The following GLIS3 variants were observed in gnomAD, a reference collection of about 807,000 sequenced individuals.
The protein encoded by GLIS3 is GLIS family zinc finger 3.
A neutral mutation model predicts 78.6 loss-of-function variants in GLIS3; 53 were observed. The ratio of observed to expected loss-of-function variants is 0.67; its 90% CI spans 0.54 to 0.85. GLIS3 has a LOEUF of 0.85. Among genes scored for constraint, GLIS3 ranks in the 40% least tolerant of loss-of-function variants. The pLI, the probability that GLIS3 is intolerant of heterozygous loss-of-function variation, is 0.00. For synonymous variants in GLIS3, 684 were observed against 509.9 expected, an observed-to-expected ratio of 1.34 and a Z score of -4.60; for missense variants, 1,703 against 1,231.1, an observed-to-expected ratio of 1.38 and a Z score of -5.74.
intron 4 of GLIS3, among the ~76,000 whole-genome samples, chr9:3,956,303 G>C (rs1817108654): frequency 6.6e-6 from 1 of 152,126 alleles, no homozygotes; most frequent in South Asian, 2.1e-4. Flanking sequence ...GGGAACAAAA[G>C]CCTGCCAAAA....
the GLIS3 span, among the ~76,000 whole-genome samples, chr9:4,360,024 C>CA: frequency 0.01 from 1,390 of 133,908 alleles, 14 homozygotes; most frequent in South Asian, 0.024. Flanking sequence ...TCAGGATTTG[C>CA]AAAAAAAAAA....
chr9:3,915,664 C>G (rs1198802600), intron 6 of GLIS3, among the ~76,000 whole-genome samples: 1 of 152,182 alleles, frequency 6.6e-6, no homozygotes, highest in East Asian at 1.9e-4. Context: ...CTCCAGCCTT[C>G]ATGATGTTGC....
the GLIS3 span, among the ~76,000 whole-genome samples, chr9:4,402,709 T>C: frequency 1.4e-4 from 21 of 152,188 alleles, no homozygotes; most frequent in African/African-American, 5.1e-4. Flanking sequence ...AGTCTCTTAA[T>C]AGTAGAATTG....
chr9:4,193,413 A>T (rs970407244), intron 2 of GLIS3, among the ~76,000 whole-genome samples: 1 of 152,234 alleles, frequency 6.6e-6, no homozygotes, highest in African/African-American at 2.4e-5. Flanking sequence ...ATGGCCTAAG[A>T]AGTCTATAAT....
intron 2 of GLIS3, among the ~76,000 whole-genome samples, chr9:4,200,042 C>A (rs1819225599): frequency 1.3e-5 from 2 of 152,164 alleles, no homozygotes; most frequent in East Asian, 1.9e-4. Flanking sequence ...AATTAACTTA[C>A]TTCAGAATGA....
intron 2 of GLIS3, among the ~76,000 whole-genome samples, chr9:4,158,641 C>T (rs965928709): frequency 9.9e-5 from 15 of 152,172 alleles, no homozygotes; most frequent in African/African-American, 3.4e-4. Context: ...TATATGATAG[C>T]ATTCATTCAT....
the GLIS3 span, among the ~76,000 whole-genome samples, chr9:4,484,161 G>A: frequency 5.3e-5 from 8 of 152,040 alleles, no homozygotes; most frequent in Non-Finnish European, 1.2e-4. Context: ...ATCTGACATA[G>A]CTGACTCTAC....
chr9:4,372,511 T>TAC, the GLIS3 span, among the ~76,000 whole-genome samples: 1 of 149,622 alleles, frequency 6.7e-6, no homozygotes, highest in Non-Finnish European at 1.5e-5. Flanking sequence ...ATCTGGCTTT[T>TAC]ACACTTCAGG....
intron 4 of GLIS3, among the ~76,000 whole-genome samples, chr9:4,003,275 G>T (rs1345128405): frequency 6.6e-6 from 1 of 151,956 alleles, no homozygotes; most frequent in African/African-American, 2.4e-5. Flanking sequence ...CAAGAAACTG[G>T]ACCACTGAGG....
chr9:4,453,345 C>CAAAAAAAAAA, the GLIS3 span, among the ~76,000 whole-genome samples: 19 of 91,650 alleles, frequency 2.1e-4, no homozygotes, highest in South Asian at 4.7e-4. Flanking sequence ...TTCTGCACAG[C>CAAAAAAAAAA]AAAAAAAAAA....
intron 2 of GLIS3, among the ~76,000 whole-genome samples, chr9:4,261,741 T>C (rs1171048702): frequency 6.6e-6 from 1 of 152,184 alleles, no homozygotes; most frequent in African/African-American, 2.4e-5. Flanking sequence ...CTAAACGCAA[T>C]TCCCATTTCA....
chr9:4,315,881 G>A (rs931687276), intron 2 of GLIS3, among the ~76,000 whole-genome samples: 5 of 152,076 alleles, frequency 3.3e-5, no homozygotes, highest in African/African-American at 7.2e-5. Context: ...TAGAATGCAG[G>A]CCTCTTAGAG....
intron 2 of GLIS3, among the ~76,000 whole-genome samples, chr9:4,311,853 G>C (rs1179485358): frequency 6.6e-6 from 1 of 152,182 alleles, no homozygotes; most frequent in African/African-American, 2.4e-5. Flanking sequence ...TTTAGAGTAA[G>C]CCCATTTTAC....
rs141612799 is a variant in GLIS3, at chr9:4,143,649, A to G, written c.389-17708T>C. 4.4e-3 allele frequency among the ~76,000 whole-genome samples: 668 copies of G among 152,364 alleles called. 11 individuals carry two copies. The highest frequency in any genetic ancestry group is 0.015 in the African/African-American group (635 of 41,588). ...CAGTATTGTCAACTATGGTCACCACATTGTGCATGAGCAATCTCCAGAACT... is the reference window on the plus strand; with the variant it reads ...CAGTATTGTCAACTATGGTCACCACGTTGTGCATGAGCAATCTCCAGAACT... On this transcript the variant is annotated intron_variant, in intron 2 of 10. Transcript: ENST00000381971.
At chr9:4,156,803 G>GTATA (rs1835075879) in intron 2 of GLIS3, among the ~76,000 whole-genome samples, 1 of 152,030 alleles carries the variant, frequency 6.6e-6, no homozygotes, top group African/African-American at 2.4e-5. Flanking sequence ...GAACAAAAGG[G>GTATA]TATATGATAA....
the GLIS3 span, among the ~76,000 whole-genome samples, chr9:4,400,905 C>A: frequency 6.6e-6 from 1 of 152,218 alleles, no homozygotes; most frequent in Non-Finnish European, 1.5e-5. Context: ...CCCTGAATAA[C>A]CAGCAGCAAT....
chr9:3,988,613 C>T (rs955968319), intron 4 of GLIS3, among the ~76,000 whole-genome samples: 2 of 152,042 alleles, frequency 1.3e-5, no homozygotes, highest in African/African-American at 2.4e-5. Flanking sequence ...ATAAATTCCT[C>T]AACTGATATT....
chr9:3,968,140 G>A (rs901417208), intron 4 of GLIS3, among the ~76,000 whole-genome samples: 1 of 152,118 alleles, frequency 6.6e-6, no homozygotes, highest in Non-Finnish European at 1.5e-5. Context: ...TTCAAAATTG[G>A]ATTTCAAATC....
chr9:4,365,555 C>CA, the GLIS3 span, among the ~76,000 whole-genome samples: 487 of 145,490 alleles, frequency 3.3e-3, 1 homozygote, highest in African/African-American at 0.011. Flanking sequence ...GACTCCATCT[C>CA]AAAAAAAAAG....
Sources: allele counts gnomAD v4.1 joint callset (sites outside exome capture counted in the v4.1 genomes callset), GRCh38; gene constraint gnomAD v4.1.1; transcripts MANE v1.5; gene names NCBI Gene and HGNC (gene_info 2026-07-23, HGNC 2026-07-21).